RFX3: variants seen among roughly 807,000 people sequenced by gnomAD.
RFX3 encodes regulatory factor X3, also known as transcription factor RFX3.
Under a neutral mutation model 98.6 loss-of-function variants are expected in RFX3, and 14 were observed. The observed-to-expected ratio is 0.14, with a 90% CI of 0.09 to 0.22. The LOEUF is 0.22. Ranked by LOEUF, RFX3 falls within the 10% of genes least tolerant of loss-of-function variation. The pLI is 1.00. For synonymous variants in RFX3, 383 were observed against 328.4 expected, an observed-to-expected ratio of 1.17 and a Z score of -1.80; for missense variants, 639 against 926.9, an observed-to-expected ratio of 0.69 and a Z score of 4.03.
chr9:3,525,802 G>GGAGGAGGAGGAGGAA lies in RFX3; in HGVS notation c.-79_-65dup, dbSNP rs1212211270. On this transcript the variant is annotated 5_prime_UTR_variant, in exon 1 of 17. Coordinates refer to ENST00000617270, the MANE Select transcript of RFX3 (RefSeq NM_001282116.2). ...TGGGTGATGGAGATGGTGGTGGTGGGGAGGAGGAGGAGGAAGAGGAGGAGG... is the reference window on the plus strand; with the variant it reads ...TGGGTGATGGAGATGGTGGTGGTGGGGAGGAGGAGGAGGAAGAGGAGGAGGAGGAAGAGGAGGAGG... 1.6e-6 allele frequency: 1 copy of GGAGGAGGAGGAGGAA among 607,300 alleles called. No individual in the cohort carries two copies. The highest frequency in any genetic ancestry group is 6.3e-5 in the Admixed American group (1 of 15,802). 37.6% of individuals were successfully genotyped at this position (607,300 alleles called of 1,614,324 possible).
Position 3,323,660 on chromosome 9 carries a change from T to C in RFX3, c.474+6599A>G, listed in dbSNP as rs577806144. Reference sequence around the variant, plus strand: ...ATAGAATCTAGCTTTTTCTGGCATGTTACCCATACACCTGTGTTCTGAAAT... The same window carrying C: ...ATAGAATCTAGCTTTTTCTGGCATGCTACCCATACACCTGTGTTCTGAAAT... On this transcript the variant is annotated intron_variant, in intron 4 of 16. Coordinates refer to ENST00000617270, the MANE Select transcript of RFX3 (RefSeq NM_001282116.2). 6.6e-5 allele frequency among the ~76,000 whole-genome samples: 10 copies of C among 152,314 alleles called. No homozygotes were observed. The South Asian group carries it at 2.1e-3, about 32-fold the overall frequency.
At chr9:3,279,005 T>C (rs1196828400) in intron 7 of RFX3, among the ~76,000 whole-genome samples, 1 of 151,852 alleles carries the variant, frequency 6.6e-6, no homozygotes, top group Non-Finnish European at 1.5e-5. Flanking sequence ...TGGGGCCATA[T>C]CCAAATATAA....
At chr9:3,510,607 A>G (rs1185916998) in intron 1 of RFX3, among the ~76,000 whole-genome samples, 1 of 152,084 alleles carries the variant, frequency 6.6e-6, no homozygotes, top group African/African-American at 2.4e-5. Flanking sequence ...ATAAAAAGCC[A>G]AATAAAATTA....
intron 14 of RFX3, among the ~76,000 whole-genome samples, chr9:3,250,737 GA>G (rs1821287182): frequency 6.6e-6 from 1 of 151,784 alleles, no homozygotes; most frequent in South Asian, 2.1e-4. Context: ...GGCTCATCCA[GA>G]TATAAAATTT....
chr9:3,237,840 G>C (rs1819370594), intron 15 of RFX3, among the ~76,000 whole-genome samples: 1 of 152,156 alleles, frequency 6.6e-6, no homozygotes, highest in African/African-American at 2.4e-5. Flanking sequence ...CATAAGAAGT[G>C]GAGCCAGCCT....
chr9:3,452,672 T>C (rs1587720484), intron 1 of RFX3, among the ~76,000 whole-genome samples: 1 of 152,180 alleles, frequency 6.6e-6, no homozygotes, highest in Non-Finnish European at 1.5e-5. Flanking sequence ...AGGAGGCTGG[T>C]GTGGGAAAAA....
chr9:3,349,734 G>A (rs191101331), intron 2 of RFX3, among the ~76,000 whole-genome samples: 1 of 151,942 alleles, frequency 6.6e-6, no homozygotes, highest in African/African-American at 2.4e-5. Context: ...CTCATTCTAA[G>A]AAAAAACAAA....
chr9:3,263,409 T>C (rs1380878199), intron 12 of RFX3, among the ~76,000 whole-genome samples: 7 of 151,928 alleles, frequency 4.6e-5, no homozygotes, highest in Admixed American at 4.6e-4. Context: ...GCAAGAAAAA[T>C]GTTGGTTTTC....
chr9:3,432,404 A>G (rs1177645115), intron 1 of RFX3, among the ~76,000 whole-genome samples: 2 of 152,196 alleles, frequency 1.3e-5, no homozygotes, highest in Admixed American at 1.3e-4. Context: ...GAACGTCATG[A>G]AAGTCTGAAG....
chr9:3,288,312 G>C, intron 6 of RFX3, 62 bp from the exon 7 acceptor site: 1 of 1,505,438 alleles, frequency 6.6e-7, no homozygotes, highest in Non-Finnish European at 9.2e-7. Context: ...TAATCACATG[G>C]GATGTCCATT....
intron 11 of RFX3, among the ~76,000 whole-genome samples, chr9:3,270,005 G>A (rs1824166928): frequency 1.3e-5 from 2 of 151,314 alleles, no homozygotes; most frequent in Non-Finnish European, 2.9e-5. Context: ...GTTCTTACAA[G>A]TAGTTTACTG....
At position 3,293,275 on chromosome 9, in the gene RFX3, C is replaced by T. The variant is rs763678501; in HGVS notation, c.550-17G>A. 7.0e-6 allele frequency: 11 copies of T among 1,561,952 alleles called. No individual in the cohort carries two copies. The highest frequency in any genetic ancestry group is 1.7e-4 in the Middle Eastern group (1 of 5,826). ...CCACTGGAGCTAGGGAAATAAGACA[C>T]AATAAACACAGACAAATCACATAAT... On this transcript the variant is annotated splice_polypyrimidine_tract_variant and intron_variant, in intron 5 of 16. Transcript: ENST00000617270.
At chr9:3,420,483 T>A (rs1035786021) in intron 1 of RFX3, among the ~76,000 whole-genome samples, 1 of 152,208 alleles carries the variant, frequency 6.6e-6, no homozygotes, top group African/African-American at 2.4e-5. Flanking sequence ...AACAGCCCTT[T>A]TAAGAGGTAG....
intron 2 of RFX3, among the ~76,000 whole-genome samples, chr9:3,393,818 G>T (rs937037877): frequency 3.9e-5 from 6 of 152,116 alleles, no homozygotes; most frequent in African/African-American, 7.2e-5. Context: ...AGATACTGGG[G>T]ACTCTAAAAG....
chr9:3,525,928 G>T lies in RFX3; in HGVS notation c.-190C>A. The T allele has an allele frequency of 9.3e-6, 7 of 753,354 alleles. No individual in the cohort carries two copies. Among genetic ancestry groups the T allele is most frequent in the Non-Finnish European group, 9.7e-6 (6 of 621,262 alleles). The allele number at this position is 753,354 out of a possible 1,614,324, so 46.7% of individuals were successfully genotyped here. ...GCAACGGTTGCTATAACTCACAAAA[G>T]AGAGAGAGAGAGGGAGAGAGAGAGA... On this transcript the variant is annotated 5_prime_UTR_variant, in exon 1 of 17. Transcript: ENST00000617270.
At chr9:3,304,683 C>G (rs545907299) in intron 4 of RFX3, among the ~76,000 whole-genome samples, 2 of 152,138 alleles carry the variant, frequency 1.3e-5, no homozygotes, top group South Asian at 4.1e-4. Context: ...GGCTCTCATT[C>G]TCTCTTGCCT....
Position 3,491,820 on chromosome 9 carries a change from T to A in RFX3, c.-9+33927A>T, listed in dbSNP as rs1372273782. On this transcript the variant is annotated intron_variant, in intron 1 of 16. Coordinates refer to ENST00000617270, the MANE Select transcript of RFX3 (RefSeq NM_001282116.2). The stretch of plus-strand genomic sequence containing the variant: ...TCCAATTCATTTCTTAAAAGTTCCT[T>A]CTTGTATATTATTCAATTATTCATT... Among the ~76,000 whole-genome samples, 5 of 152,300 alleles carry A rather than the reference T, an allele frequency of 3.3e-5. No homozygotes were observed. In the East Asian group the frequency reaches 9.6e-4, roughly 29 times the overall value.
intron 2 of RFX3, among the ~76,000 whole-genome samples, chr9:3,352,651 C>T (rs1451396529): frequency 1.3e-5 from 2 of 151,934 alleles, no homozygotes; most frequent in Non-Finnish European, 2.9e-5. Context: ...AAATGCCCTG[C>T]CACATGAAAC....
intron 2 of RFX3, among the ~76,000 whole-genome samples, chr9:3,388,165 G>C (rs561291041): frequency 3.9e-5 from 6 of 152,042 alleles, no homozygotes; most frequent in Non-Finnish European, 7.4e-5. Context: ...AGTGAAGATG[G>C]AAATGACCCA....
Sources: gnomAD v4.1 joint callset for allele counts (sites outside exome capture counted in the v4.1 genomes callset) on GRCh38, gnomAD v4.1.1 for gene constraint, MANE v1.5 for transcripts, NCBI Gene and HGNC (gene_info 2026-07-23, HGNC 2026-07-21) for gene names.